ZNF577: variants seen among roughly 807,000 people sequenced by gnomAD.
ZNF577 encodes zinc finger protein 577.
In ZNF577, 14 loss-of-function variants were observed where a neutral mutation model predicts 13.9. The ratio of observed to expected loss-of-function variants is 1.00; its 90% CI spans 0.66 to 1.57. The LOEUF is 1.57. Among genes scored for constraint, ZNF577 ranks in the 40% most tolerant of loss-of-function variants. The pLI is 0.00. For missense variants in ZNF577, 555 were observed against 579.2 expected (o/e 0.96, Z 0.43); for synonymous variants, 203 against 202.9 (o/e 1.00, Z 0.00).
At chr19:51,813,243 C>G (rs2084110700) in intron 9 of ZNF577, among the ~76,000 whole-genome samples, 1 of 151,718 alleles carries the variant, frequency 6.6e-6, no homozygotes, top group Admixed American at 6.6e-5. Context: ...TGGTGAGGGC[C>G]ATTACTCACA....
intron 8 of ZNF577, among the ~76,000 whole-genome samples, chr19:51,842,038 G>A (rs2084323965): frequency 6.6e-6 from 1 of 152,128 alleles, no homozygotes; most frequent in African/African-American, 2.4e-5. Context: ...TAGGCTTGAA[G>A]GACACAGGTG....
In ZNF577 at chr19:51,869,566, G is replaced by A. The variant is rs2084621458; in HGVS notation, c.*2966C>T. 6.6e-6 allele frequency among the ~76,000 whole-genome samples: 1 copy of A among 152,054 alleles called. No homozygotes were observed. ...CAGTGCCGGTGCGGGTCCTCCATAT[G>A]CTGAGCACCGGTCCCCTGGGGCCAC... is the stretch of plus-strand genomic sequence containing the variant. On this transcript the variant is annotated 3_prime_UTR_variant, in exon 6 of 6. Coordinates refer to ENST00000638348, the MANE Select transcript of ZNF577 (RefSeq NM_001370449.1).
chr19:51,864,384 CCT>C (rs1417488975), downstream of ZNF577, among the ~76,000 whole-genome samples: 5 of 151,966 alleles, frequency 3.3e-5, no homozygotes, highest in Admixed American at 6.6e-5. Context: ...GACTCCTGCC[CCT>C]GACTCCCGCC....
rs2084651994 is a variant in ZNF577, at chr19:51,871,077, C to T, written c.*1455G>A. On this transcript the variant is annotated 3_prime_UTR_variant, in exon 6 of 6. Transcript: ENST00000638348. The stretch of plus-strand genomic sequence containing the variant: ...CAGGTGCATTATGTCATATGCATTC[C>T]GTACTCATAATGAAGTATGTTAGTT... 1.3e-5 allele frequency among the ~76,000 whole-genome samples: 2 copies of T among 152,022 alleles called. No homozygotes were observed. Among genetic ancestry groups the T allele is most frequent in the Non-Finnish European group, 2.9e-5 (2 of 68,012 alleles).
At chr19:51,874,161 A>T (rs995217897) in intron 5 of ZNF577, among the ~76,000 whole-genome samples, 1 of 152,204 alleles carries the variant, frequency 6.6e-6, no homozygotes, top group African/African-American at 2.4e-5. Context: ...AGAAACAGAA[A>T]CACATTGCAA....
chr19:51,886,840 A>C lies in ZNF577; in HGVS notation c.-238T>G. On this transcript the variant is annotated 5_prime_UTR_variant, in exon 1 of 6. Coordinates refer to ENST00000638348, the MANE Select transcript of ZNF577 (RefSeq NM_001370449.1). ...ACGTACCCAAGTCAGAGGCAGAGGC[A>C]GGTACTTCTTACTCCACAGTCCATA... 6.6e-6 allele frequency: 1 copy of C among 152,232 alleles called. No homozygotes were observed. 9.4% of individuals were successfully genotyped at this position (152,232 alleles called of 1,614,324 possible).
At chr19:51,847,121 A>C (rs1052761256) in intron 5 of ZNF577, among the ~76,000 whole-genome samples, 1 of 152,180 alleles carries the variant, frequency 6.6e-6, no homozygotes, top group African/African-American at 2.4e-5. Context: ...AAGTGTATAC[A>C]AACACTCGTG....
chr19:51,812,638 T>C (rs1393625688), intron 9 of ZNF577, among the ~76,000 whole-genome samples: 1 of 152,154 alleles, frequency 6.6e-6, no homozygotes, highest in African/African-American at 2.4e-5. Context: ...AGCTTTGGCA[T>C]CACACACAAG....
downstream of ZNF577, among the ~76,000 whole-genome samples, chr19:51,864,935 A>G (rs115310593): frequency 3.8e-3 from 580 of 152,300 alleles, 2 homozygotes; most frequent in African/African-American, 0.013. Flanking sequence ...TCAAACAATA[A>G]GTACCCAGAA....
At chr19:51,847,355 C>T (rs1463675960) in intron 5 of ZNF577, among the ~76,000 whole-genome samples, 5 of 152,294 alleles carry the variant, frequency 3.3e-5, no homozygotes, top group East Asian at 3.9e-4. Context: ...CCTCTCCCGT[C>T]GATGTCCGTG....
intron 5 of ZNF577, 81 bp downstream of exon 5, chr19:51,877,201 C>CTTT (rs1262785321): frequency 2.4e-6 from 3 of 1,269,598 alleles, no homozygotes; most frequent in Non-Finnish European, 3.4e-6. Context: ...CTAAAGAACA[C>CTTT]TTTAAAAGCA....
intron 5 of ZNF577, among the ~76,000 whole-genome samples, chr19:51,847,097 C>G (rs1284646071): frequency 6.6e-6 from 1 of 152,114 alleles, no homozygotes; most frequent in African/African-American, 2.4e-5. Flanking sequence ...ACATAAAAAG[C>G]TAGTACTAAT....
intron 8 of ZNF577, among the ~76,000 whole-genome samples, chr19:51,841,568 T>G (rs2084320961): frequency 6.6e-6 from 1 of 152,118 alleles, no homozygotes; most frequent in Admixed American, 6.5e-5. Context: ...GAAACTGCAC[T>G]GCCACAGTAC....
chr19:51,857,422 G>GAAA (rs1555745883), intron 5 of ZNF577, among the ~76,000 whole-genome samples: 74 of 108,728 alleles, frequency 6.8e-4, no homozygotes, highest in African/African-American at 3.0e-3. Flanking sequence ...AAGAAAGAAA[G>GAAA]AAAGAAAAGA....
At chr19:51,832,632 A>G (rs904448533) in intron 9 of ZNF577, among the ~76,000 whole-genome samples, 1 of 152,120 alleles carries the variant, frequency 6.6e-6, no homozygotes, top group Non-Finnish European at 1.5e-5. Flanking sequence ...GGTCCTGGAC[A>G]TTTTTTAATG....
At chr19:51,873,902 A>C (rs1224951572) in intron 5 of ZNF577, among the ~76,000 whole-genome samples, 196 bp from the exon 6 acceptor site, 1 of 152,186 alleles carries the variant, frequency 6.6e-6, no homozygotes, top group Non-Finnish European at 1.5e-5. Flanking sequence ...CCTAGGAAAA[A>C]GCACAATATG....
At position 51,858,803 on chromosome 19, in the gene ZNF577, G is replaced by C. The variant is rs140400227; in HGVS notation, c.284-13872C>G. 1.5e-3 allele frequency among the ~76,000 whole-genome samples: 231 copies of C among 152,202 alleles called. 1 individual carries two copies. The highest frequency in any genetic ancestry group is 5.4e-3 in the African/African-American group (226 of 41,538). ...AAAAAAGTCCATATTTGAAGTGCCA[G>C]AGTTCATGCAATATTTTTCTTTTTA... On this transcript the variant is annotated intron_variant and NMD_transcript_variant, in intron 5 of 10. Coordinates refer to the ZNF577 transcript ENST00000638827.
chr19:51,806,244 G>A (rs967550196), intron 10 of ZNF577, among the ~76,000 whole-genome samples: 8 of 152,212 alleles, frequency 5.3e-5, no homozygotes, highest in African/African-American at 1.9e-4. Flanking sequence ...TGTTTCTCCA[G>A]TCTCCCATTC....
rs1370615899 is a variant in ZNF577 at position 51,867,432 on chromosome 19, T to C, written c.*5100A>G. On this transcript the variant is annotated 3_prime_UTR_variant, in exon 6 of 6. Coordinates refer to ENST00000638348, the MANE Select transcript of ZNF577 (RefSeq NM_001370449.1). Reference sequence around the variant, plus strand: ...TCAGAGAGAGGCCCAGCTTTTAGAATTGTGACAATTACTCAATTTCCCTCC... The same window carrying C: ...TCAGAGAGAGGCCCAGCTTTTAGAACTGTGACAATTACTCAATTTCCCTCC... 6.6e-6 allele frequency among the ~76,000 whole-genome samples: 1 copy of C among 152,038 alleles called. No individual in the cohort carries two copies. Among genetic ancestry groups the C allele is most frequent in the Non-Finnish European group, 1.5e-5 (1 of 68,000 alleles).
Sources: allele counts gnomAD v4.1 joint callset (sites outside exome capture counted in the v4.1 genomes callset), GRCh38; gene constraint gnomAD v4.1.1; transcripts MANE v1.5; gene names NCBI Gene and HGNC (gene_info 2026-07-23, HGNC 2026-07-21).